FAT3: variants seen among roughly 807,000 people sequenced by gnomAD.
FAT3 encodes FAT atypical cadherin 3, also known as protocadherin Fat 3.
A neutral mutation model predicts 310.2 loss-of-function variants in FAT3; 95 were observed. The observed-to-expected ratio is 0.31, with a 90% CI of 0.26 to 0.36. The LOEUF (loss-of-function observed/expected upper bound fraction) is 0.36, where lower values mean the gene tolerates loss of function less well. Ranked by LOEUF, FAT3 falls within the 10% of genes least tolerant of loss-of-function variation. The pLI is 1.00. For missense variants in FAT3, 5,408 were observed against 5,715.6 expected, an observed-to-expected ratio of 0.95 and a Z score of 1.74; for synonymous variants, 2,314 against 2,192.9, an observed-to-expected ratio of 1.06 and a Z score of -1.54.
chr11:92,236,259 A>G (rs1259225949), intron 1 of FAT3, among the ~76,000 whole-genome samples: 2 of 152,158 alleles, frequency 1.3e-5, no homozygotes, highest in Non-Finnish European at 2.9e-5. Context: ...ATCTTTCTTT[A>G]AAAGTTGGAG....
At chr11:92,517,814 A>G (rs1953538773) in intron 2 of FAT3, among the ~76,000 whole-genome samples, 1 of 152,246 alleles carries the variant, frequency 6.6e-6, no homozygotes, top group Non-Finnish European at 1.5e-5. Context: ...GGTGAAGGAT[A>G]TGAACAGACA....
chr11:92,547,272 A>G (rs917910323), intron 3 of FAT3, among the ~76,000 whole-genome samples: 23 of 152,150 alleles, frequency 1.5e-4, no homozygotes, highest in African/African-American at 5.1e-4. Flanking sequence ...AAGTTGCCAT[A>G]TTGCATTCTT....
At chr11:92,436,209 G>A (rs925777272) in intron 2 of FAT3, among the ~76,000 whole-genome samples, 6 of 152,024 alleles carry the variant, frequency 3.9e-5, no homozygotes, top group Admixed American at 1.3e-4. Context: ...TGCAGATCAC[G>A]GCTCACTGCA....
chr11:92,567,002 A>G (rs1452230562), intron 3 of FAT3, among the ~76,000 whole-genome samples: 1 of 152,200 alleles, frequency 6.6e-6, no homozygotes, highest in Non-Finnish European at 1.5e-5. Flanking sequence ...CTAAAACACC[A>G]AAAGCAATGG....
intron 2 of FAT3, among the ~76,000 whole-genome samples, chr11:92,378,034 G>A (rs1166254703): frequency 6.6e-6 from 1 of 152,098 alleles, no homozygotes; most frequent in Non-Finnish European, 1.5e-5. Context: ...ACTGCAGTTT[G>A]TGTCATTTTT....
At chr11:92,399,147 A>C (rs1464884065) in intron 2 of FAT3, among the ~76,000 whole-genome samples, 6 of 152,212 alleles carry the variant, frequency 3.9e-5, no homozygotes, top group African/African-American at 7.2e-5. Flanking sequence ...ACATATATAC[A>C]CATATTAAGA....
chr11:92,749,307 GATACACACACACAC>G (rs1945761384), intron 4 of FAT3, among the ~76,000 whole-genome samples: 2 of 151,110 alleles, frequency 1.3e-5, no homozygotes, highest in African/African-American at 4.9e-5. Context: ...CACACACACA[GATACACACACACAC>G]ATACACACAC....
intron 3 of FAT3, among the ~76,000 whole-genome samples, chr11:92,562,310 C>T (rs1205772365): frequency 6.6e-6 from 1 of 152,004 alleles, no homozygotes; most frequent in Non-Finnish European, 1.5e-5. Flanking sequence ...GGAAGCTATC[C>T]TATCTTCTCT....
chr11:92,368,189 C>T (rs1949077800), intron 2 of FAT3, among the ~76,000 whole-genome samples: 1 of 151,818 alleles, frequency 6.6e-6, no homozygotes, highest in Admixed American at 6.6e-5. Flanking sequence ...GTAATCATTG[C>T]CATAGAAAAT....
chr11:92,861,505 T>C (rs1255591659), intron 21 of FAT3, among the ~76,000 whole-genome samples: 1 of 152,208 alleles, frequency 6.6e-6, no homozygotes, highest in East Asian at 1.9e-4. Context: ...GAAAGTTGTG[T>C]AAATTGAATC....
chr11:92,235,641 G>T (rs1329573425), intron 1 of FAT3, among the ~76,000 whole-genome samples: 1 of 152,164 alleles, frequency 6.6e-6, no homozygotes, highest in Non-Finnish European at 1.5e-5. Flanking sequence ...ACCAAATATT[G>T]AAAAATATCT....
Position 92,844,384 on chromosome 11 carries a change from C to T in FAT3, c.11017C>T (p.Leu3673=). The T allele has an allele frequency of 6.2e-7, 1 of 1,613,946 alleles. No homozygotes were observed. The change falls in exon 19 of 28, where the codon CTG becomes TTG. Residue 3673 remains leucine, a synonymous_variant. Transcript: ENST00000525166. The part of the protein sequence containing the change: ...GLHMHGFRRT[L]RNAVLTQKQD... ...GCACATGCATGGGTTCCGGCGCACCCTGCGGAATGCAGTCCTCACCCAGAA... is the reference window on the plus strand; with the variant it reads ...GCACATGCATGGGTTCCGGCGCACCTTGCGGAATGCAGTCCTCACCCAGAA...
chr11:92,423,487 T>A (rs1950571264), intron 2 of FAT3, among the ~76,000 whole-genome samples: 1 of 152,148 alleles, frequency 6.6e-6, no homozygotes, highest in Non-Finnish European at 1.5e-5. Flanking sequence ...ATCATGTAAT[T>A]TATCATCCAC....
chr11:92,798,589 C>T lies in FAT3; in HGVS notation c.5576C>T (p.Pro1859Leu), dbSNP rs768460475. 6.2e-7 allele frequency: 1 copy of T among 1,613,804 alleles called. No individual in the cohort carries two copies. Among genetic ancestry groups the T allele is most frequent in the Non-Finnish European group, 8.5e-7 (1 of 1,179,844 alleles). Residue 1859 changes from proline (P) to leucine (L), a missense_variant, in exon 10 of 28, where the codon CCC (proline) becomes CTC (leucine). This residue lies in a region of FAT3 where 4,588 missense variants were observed against 4,809.8 expected (regional missense o/e 0.95). Transcript: ENST00000525166. ...FHVHVRDSGS[P>L]QLTAESPVEV... ...GTGCATGTGAGAGACAGTGGTAGCCCCCAACTGACTGCAGAGAGTCCCGTT... is the reference window on the plus strand; with the variant it reads ...GTGCATGTGAGAGACAGTGGTAGCCTCCAACTGACTGCAGAGAGTCCCGTT...
At chr11:92,285,778 TAAG>T (rs750899344) in intron 1 of FAT3, among the ~76,000 whole-genome samples, 6 of 152,200 alleles carry the variant, frequency 3.9e-5, no homozygotes, top group Admixed American at 6.5e-5. Context: ...GTGCCAAAAT[TAAG>T]AAGAAGTATC....
intron 1 of FAT3, among the ~76,000 whole-genome samples, chr11:92,340,597 C>T (rs370432664): frequency 2.9e-4 from 44 of 152,262 alleles, no homozygotes; most frequent in African/African-American, 1.0e-3. Context: ...GCTGATTGTC[C>T]TTGGTAACTT....
intron 3 of FAT3, among the ~76,000 whole-genome samples, chr11:92,653,890 T>G (rs1489705470): frequency 6.6e-6 from 1 of 152,246 alleles, no homozygotes; most frequent in Non-Finnish European, 1.5e-5. Context: ...AAAAGCCATT[T>G]CTACACACAT....
intron 1 of FAT3, among the ~76,000 whole-genome samples, chr11:92,343,197 TAGAC>T (rs1224117582): frequency 5.3e-5 from 8 of 152,294 alleles, no homozygotes; most frequent in East Asian, 1.9e-4. Flanking sequence ...AGACCACTCT[TAGAC>T]AGGAAGATTT....
chr11:92,527,883 A>T (rs4753409), intron 3 of FAT3, among the ~76,000 whole-genome samples: 6,618 of 152,332 alleles, frequency 0.043, 178 homozygotes, highest in East Asian at 0.085. Flanking sequence ...TAACCAGTAT[A>T]TTTAGGAAAG....
Sources: gnomAD v4.1 joint callset for allele counts (sites outside exome capture counted in the v4.1 genomes callset) on GRCh38, gnomAD v4.1.1 for gene constraint, gnomAD v4.1.1 regional missense constraint, MANE v1.5 for transcripts, NCBI Gene and HGNC (gene_info 2026-07-23, HGNC 2026-07-21) for gene names.